ZNF469: variants seen among roughly 807,000 people sequenced by gnomAD.
ZNF469 encodes zinc finger protein 469.
In ZNF469, 1 loss-of-function variant was observed where a neutral mutation model predicts 1.0. That is an observed-to-expected ratio of 1.00 (90% CI 0.35 to 4.73). ZNF469 has a LOEUF of 4.73. Ranked by LOEUF, ZNF469 falls within the 30% of genes most tolerant of loss-of-function variation. The probability of loss-of-function intolerance (pLI) is 0.16; values close to 1 mark genes in which losing one functional copy is unlikely to be tolerated. For synonymous variants in ZNF469, 2,703 were observed against 2,363.4 expected (o/e 1.14, Z -4.17); for missense variants, 6,100 against 5,356.3 (o/e 1.14, Z -4.33).
the ZNF469 span, among the ~76,000 whole-genome samples, chr16:88,293,218 A>ATGGG: frequency 6.6e-6 from 1 of 151,658 alleles, no homozygotes; most frequent in South Asian, 2.1e-4. Flanking sequence ...AGATGGATGG[A>ATGGG]TAGGTAGATG....
chr16:88,350,843 A>G, the ZNF469 span, among the ~76,000 whole-genome samples: 1 of 152,188 alleles, frequency 6.6e-6, no homozygotes, highest in South Asian at 2.1e-4. Context: ...AAGGCAAGAA[A>G]CAGATTCTCC....
At chr16:88,114,767 C>A in the ZNF469 span, among the ~76,000 whole-genome samples, 1 of 152,190 alleles carries the variant, frequency 6.6e-6, no homozygotes, top group African/African-American at 2.4e-5. Flanking sequence ...GGGCAGGGAG[C>A]TCAGAGGGGC....
upstream of ZNF469, among the ~76,000 whole-genome samples, chr16:88,380,566 G>GAC (rs2092519549): frequency 1.4e-5 from 1 of 71,808 alleles, no homozygotes; most frequent in Non-Finnish European, 2.8e-5. Context: ...CTCACACACA[G>GAC]ACGCCCTCAC....
the ZNF469 span, among the ~76,000 whole-genome samples, chr16:88,140,646 T>C: frequency 4.6e-5 from 7 of 152,302 alleles, no homozygotes; most frequent in Non-Finnish European, 1.0e-4. Context: ...GGATTTTAAA[T>C]TGAGGCCAGG....
chr16:88,140,950 A>G, the ZNF469 span, among the ~76,000 whole-genome samples: 20,276 of 151,984 alleles, frequency 0.13, 1,685 homozygotes, highest in East Asian at 0.27. Flanking sequence ...CAAACAAACA[A>G]AAAAACAAAA....
At chr16:88,380,648 T>TAC (rs148502398), upstream of ZNF469, among the ~76,000 whole-genome samples, 19,874 of 90,366 alleles carry the variant, frequency 0.22, 1,590 homozygotes, top group Middle Eastern at 0.4. Context: ...CATGCACTCA[T>TAC]ACACACACAG....
Position 88,427,383 on chromosome 16 carries a change from C to T in ZNF469, c.-88C>T. ...CCATGAGCGCAGGCTTCCCTGGGGCCCATCGAGGGCTGAGGATGGCCGTCC... is the reference window on the plus strand; with the variant it reads ...CCATGAGCGCAGGCTTCCCTGGGGCTCATCGAGGGCTGAGGATGGCCGTCC... On this transcript the variant is annotated 5_prime_UTR_variant, in exon 3 of 3. Transcript: ENST00000565624. 7.7e-7 allele frequency: 1 copy of T among 1,299,950 alleles called. No individual in the cohort carries two copies. The highest frequency in any genetic ancestry group is 1.0e-6 in the Non-Finnish European group (1 of 979,032). The allele number at this position is 1,299,950 out of a possible 1,614,324, so 80.5% of individuals were successfully genotyped here.
the ZNF469 span, among the ~76,000 whole-genome samples, chr16:88,365,731 G>T: frequency 6.6e-6 from 1 of 152,190 alleles, no homozygotes; most frequent in African/African-American, 2.4e-5. Context: ...GCTGAGTGTG[G>T]TTGCAGGTGT....
At chr16:88,250,720 G>A in the ZNF469 span, among the ~76,000 whole-genome samples, 2 of 151,840 alleles carry the variant, frequency 1.3e-5, no homozygotes, top group South Asian at 2.1e-4. Context: ...TTATTTCCAG[G>A]TTCTCTGATT....
chr16:88,111,610 G>A, the ZNF469 span, among the ~76,000 whole-genome samples: 2 of 151,970 alleles, frequency 1.3e-5, no homozygotes, highest in African/African-American at 4.8e-5. Context: ...TAGCTCCCAC[G>A]AATAAGTGAA....
At chr16:88,141,532 G>GTGCCTCTCCC in the ZNF469 span, among the ~76,000 whole-genome samples, 1 of 66,732 alleles carries the variant, frequency 1.5e-5, no homozygotes, top group Admixed American at 1.8e-4. Context: ...AGCCTGCTAT[G>GTGCCTCTCCC]AAACGCTCAG....
intron 1 of ZNF469, among the ~76,000 whole-genome samples, chr16:88,389,593 C>T (rs567777329): frequency 2.9e-4 from 44 of 152,324 alleles, no homozygotes; most frequent in African/African-American, 9.6e-4. Flanking sequence ...CCCACCGTTC[C>T]GCTCCCACCA....
upstream of ZNF469, among the ~76,000 whole-genome samples, chr16:88,379,885 C>T (rs1261047233): frequency 6.6e-6 from 1 of 152,180 alleles, no homozygotes; most frequent in Non-Finnish European, 1.5e-5. Context: ...CAGAGTCCTT[C>T]ACACAGTGAC....
the ZNF469 span, among the ~76,000 whole-genome samples, chr16:88,145,426 A>G: frequency 6.6e-6 from 1 of 152,110 alleles, no homozygotes; most frequent in South Asian, 2.1e-4. Flanking sequence ...AAACTCACGC[A>G]TTGGAATCCC....
chr16:88,200,002 C>A, the ZNF469 span, among the ~76,000 whole-genome samples: 1 of 152,212 alleles, frequency 6.6e-6, no homozygotes, highest in Non-Finnish European at 1.5e-5. Context: ...ACCCTGTTCC[C>A]TCCATGACCT....
chr16:88,212,903 A>G, the ZNF469 span, among the ~76,000 whole-genome samples: 2 of 151,980 alleles, frequency 1.3e-5, no homozygotes, highest in Non-Finnish European at 2.9e-5. Context: ...AGTTCCATCA[A>G]CTTGTACCTT....
chr16:88,427,490 G>A lies in ZNF469; in HGVS notation c.20G>A (p.Arg7Gln), dbSNP rs1015887121. The change falls in exon 3 of 3, where the codon CGA becomes CAA. Residue 7 changes from arginine (R) to glutamine (Q), a missense_variant. Coordinates refer to ENST00000565624, the MANE Select transcript of ZNF469 (RefSeq NM_001367624.2). MPGERP[R>Q]GAPPPTMTGD... The stretch of plus-strand genomic sequence containing the variant: ...GGGGCCATGCCTGGGGAGCGCCCCC[G>A]AGGAGCGCCGCCCCCCACCATGACT... 25 of 1,525,152 alleles carry A rather than the reference G, an allele frequency of 1.6e-5. No homozygotes were observed. Among genetic ancestry groups the A allele is most frequent in the Middle Eastern group, 1.8e-4 (1 of 5,574 alleles). 94.5% of individuals were successfully genotyped at this position (1,525,152 alleles called of 1,614,324 possible). A position where few individuals can be genotyped will look rare whatever the true frequency, so the allele number is the denominator to read the frequency against.
the ZNF469 span, among the ~76,000 whole-genome samples, chr16:88,268,561 A>G: frequency 6.6e-6 from 1 of 152,174 alleles, no homozygotes; most frequent in Non-Finnish European, 1.5e-5. Context: ...TCTCCTGGGT[A>G]GAGTGAGATC....
chr16:88,305,737 C>G, the ZNF469 span, among the ~76,000 whole-genome samples: 1 of 152,216 alleles, frequency 6.6e-6, no homozygotes, highest in Non-Finnish European at 1.5e-5. Context: ...CTCATGCCTG[C>G]ATGCTCATAC....
Sources: gnomAD v4.1 joint callset for allele counts (sites outside exome capture counted in the v4.1 genomes callset) on GRCh38, gnomAD v4.1.1 for gene constraint, MANE v1.5 for transcripts, NCBI Gene and HGNC (gene_info 2026-07-23, HGNC 2026-07-21) for gene names.